The following SREK1 variants were observed in gnomAD, a reference collection of about 807,000 sequenced individuals.
The protein encoded by SREK1 is splicing regulatory glutamic acid and lysine rich protein 1.
SREK1 carries 13 observed loss-of-function variants against 66.5 expected under a neutral mutation model. The observed-to-expected ratio is 0.20, with a 90% CI of 0.13 to 0.31. The LOEUF (loss-of-function observed/expected upper bound fraction) is 0.31, where lower values mean the gene tolerates loss of function less well. Among genes scored for constraint, SREK1 ranks in the 10% least tolerant of loss-of-function variants. The pLI is 1.00. For synonymous variants in SREK1, 265 were observed against 263.5 expected (o/e 1.01, Z -0.05); for missense variants, 607 against 769.6 (o/e 0.79, Z 2.50).
intron 1 of SREK1, among the ~76,000 whole-genome samples, chr5:66,151,817 A>ATGCTAAGAGG (rs1359237275): frequency 7.4e-6 from 1 of 134,922 alleles, no homozygotes; most frequent in African/African-American, 2.7e-5. Flanking sequence ...AGTGAGTTGG[A>ATGCTAAGAGG]TGCTAAGAGG....
At position 66,144,511 on chromosome 5, in the gene SREK1, C is replaced by T. The variant is rs182413358; in HGVS notation, c.135C>T (p.Ile45=). 1,320 of 1,551,664 alleles carry T rather than the reference C, an allele frequency of 8.5e-4. 15 individuals are homozygous for T. In the African/African-American group the frequency reaches 0.017, roughly 19 times the overall value. The change falls in exon 1 of 12, where the codon ATC becomes ATT. Residue 45 remains isoleucine, a synonymous_variant. Coordinates refer to ENST00000334121, the MANE Select transcript of SREK1 (RefSeq NM_001077199.3). ...CGCTTTTTTCCTTCCTAGGAGAAATCGAGGAGCTGCGGCTCTACCCCCCGG... is the reference window on the plus strand; with the variant it reads ...CGCTTTTTTCCTTCCTAGGAGAAATTGAGGAGCTGCGGCTCTACCCCCCGG... ...MRTLFSFLGE[I]EELRLYPPDN...
chr5:66,168,243 T>A (rs1335419210), intron 7 of SREK1: 1 of 152,232 alleles, frequency 6.6e-6, no homozygotes, highest in African/African-American at 2.4e-5. Context: ...TGATTAGTAT[T>A]TTAATCAGAA....
At chr5:66,166,478 T>A (rs965238839) in intron 7 of SREK1, 2 of 152,120 alleles carry the variant, frequency 1.3e-5, no homozygotes, top group Non-Finnish European at 1.5e-5. Context: ...ATTCCTTTTT[T>A]TTCCCCCCCC....
chr5:66,182,276 G>A lies in SREK1; in HGVS notation c.*3408G>A, dbSNP rs1383659294. 6.6e-6 allele frequency: 1 copy of A among 152,016 alleles called. No individual in the cohort carries two copies. The highest frequency in any genetic ancestry group is 2.4e-5 in the African/African-American group (1 of 41,422). The allele number at this position is 152,016 out of a possible 1,614,324, so 9.4% of individuals were successfully genotyped here. A position where few individuals can be genotyped will look rare whatever the true frequency, so the allele number is the denominator to read the frequency against. ...GCCATTCCCACAAAGTAAATGTGCA[G>A]TGCCCATGTTTCTTGTGTTTAAATA... On this transcript the variant is annotated 3_prime_UTR_variant, in exon 12 of 12. Coordinates refer to ENST00000334121, the MANE Select transcript of SREK1 (RefSeq NM_001077199.3).
At chr5:66,159,418 T>C in intron 3 of SREK1, 84 bp downstream of exon 3, 1 of 1,105,032 alleles carries the variant, frequency 9.0e-7, no homozygotes, top group Non-Finnish European at 1.2e-6. Context: ...TTATTTGCAT[T>C]TGGATCTTCT....
chr5:66,158,150 A>G (rs758447321), intron 2 of SREK1: 6 of 151,574 alleles, frequency 4.0e-5, no homozygotes, highest in African/African-American at 1.5e-4. Flanking sequence ...ATAAGGAAAA[A>G]TAATGTGAAA....
rs1178535176 is a variant in SREK1, at chr5:66,170,838, C to A, written c.1375C>A (p.Arg459=). ...AAAGGAACAGGACAAAGAAAAGGAACGAGAAAAAGACAGATCCAAAGAGAT... is the reference window on the plus strand; with the variant it reads ...AAAGGAACAGGACAAAGAAAAGGAAAGAGAAAAAGACAGATCCAAAGAGAT... ...KEKEQDKEKE[R]EKDRSKEIDE... The change falls in exon 9 of 12, where the codon CGA becomes AGA. Residue 459 remains arginine, a synonymous_variant. Transcript: ENST00000334121. The A allele has an allele frequency of 3.1e-6, 5 of 1,612,310 alleles. No individual in the cohort carries two copies. Among genetic ancestry groups the A allele is most frequent in the Non-Finnish European group, 4.2e-6 (5 of 1,179,598 alleles).
intron 7 of SREK1, chr5:66,166,840 C>A (rs1745218712): frequency 6.6e-6 from 1 of 151,930 alleles, no homozygotes; most frequent in South Asian, 2.1e-4. Flanking sequence ...AAACATGTAG[C>A]CTTAAGTTCA....
At chr5:66,165,972 A>T (rs1182287990) in intron 7 of SREK1, 1 of 152,210 alleles carries the variant, frequency 6.6e-6, no homozygotes, top group Non-Finnish European at 1.5e-5. Context: ...CACCAGATAT[A>T]CTAGTGTATA....
At chr5:66,152,874 G>A (rs370756998) in intron 1 of SREK1, among the ~76,000 whole-genome samples, 48 of 151,876 alleles carry the variant, frequency 3.2e-4, no homozygotes, top group African/African-American at 1.1e-3. Flanking sequence ...GGATTAAACT[G>A]AATCAAGTAG....
At chr5:66,145,231 T>C (rs1374028110) in intron 1 of SREK1, 3 of 937,530 alleles carry the variant, frequency 3.2e-6, no homozygotes, top group Middle Eastern at 5.4e-4. Flanking sequence ...AAAGTCCAGA[T>C]CTTGGCTGGC....
intron 6 of SREK1, chr5:66,164,407 A>G (rs1435702141): frequency 1.3e-5 from 5 of 372,396 alleles, no homozygotes; most frequent in Non-Finnish European, 2.4e-5. Flanking sequence ...CATTCTAAAA[A>G]CATCTAGGTG....
At chr5:66,157,382 A>C (rs1744375689) in intron 2 of SREK1, 2 of 982,754 alleles carry the variant, frequency 2.0e-6, no homozygotes, top group Non-Finnish European at 2.4e-6. Flanking sequence ...AGTAATATTA[A>C]ATTTGGGACA....
rs962015892 is a variant in SREK1, at chr5:66,182,212, A to T, written c.*3344A>T. On this transcript the variant is annotated 3_prime_UTR_variant, in exon 12 of 12. Coordinates refer to ENST00000334121, the MANE Select transcript of SREK1 (RefSeq NM_001077199.3). Reference sequence around the variant, plus strand: ...GTGAATCATTTACGTTTTCATTGGAAGACAGTATCTGATTTCAACTGGTGC... The same window carrying T: ...GTGAATCATTTACGTTTTCATTGGATGACAGTATCTGATTTCAACTGGTGC... 6.6e-6 allele frequency: 1 copy of T among 152,196 alleles called. No homozygotes were observed. The highest frequency in any genetic ancestry group is 2.4e-5 in the African/African-American group (1 of 41,454). 9.4% of individuals were successfully genotyped at this position (152,196 alleles called of 1,614,324 possible).
intron 3 of SREK1, among the ~76,000 whole-genome samples, chr5:66,161,460 C>T (rs570953350): frequency 1.3e-5 from 2 of 152,242 alleles, no homozygotes; most frequent in African/African-American, 4.8e-5. Flanking sequence ...GTGCTATGTT[C>T]TTTGAATTGT....
chr5:66,154,590 T>G (rs1744120302), intron 2 of SREK1, among the ~76,000 whole-genome samples: 1 of 152,192 alleles, frequency 6.6e-6, no homozygotes, highest in African/African-American at 2.4e-5. Flanking sequence ...ATAAGCAGTT[T>G]GCTGCACTTT....
intron 10 of SREK1, among the ~76,000 whole-genome samples, chr5:66,175,951 T>C (rs1401216407): frequency 1.3e-5 from 2 of 152,064 alleles, no homozygotes; most frequent in Admixed American, 6.6e-5. Context: ...TAAAATAACT[T>C]TCTCTTTTTC....
At chr5:66,153,144 A>G (rs942828231) in intron 1 of SREK1, among the ~76,000 whole-genome samples, 3 of 152,214 alleles carry the variant, frequency 2.0e-5, no homozygotes, top group Non-Finnish European at 2.9e-5. Context: ...TTTTGCTTAC[A>G]TATGATACAC....
At chr5:66,164,011 T>C in intron 6 of SREK1, 89 bp downstream of exon 6, 2 of 1,456,666 alleles carry the variant, frequency 1.4e-6, no homozygotes, top group Non-Finnish European at 1.9e-6. Flanking sequence ...TCTTGTTCAG[T>C]CACTTCATTT....
Sources: gnomAD v4.1 joint callset for allele counts (sites outside exome capture counted in the v4.1 genomes callset) on GRCh38, gnomAD v4.1.1 for gene constraint, MANE v1.5 for transcripts, NCBI Gene and HGNC (gene_info 2026-07-23, HGNC 2026-07-21) for gene names.